PPP6R2: variants seen among roughly 807,000 people sequenced by gnomAD.
The protein encoded by PPP6R2 is serine/threonine-protein phosphatase 6 regulatory subunit 2.
Under a neutral mutation model 100.2 loss-of-function variants are expected in PPP6R2, and 62 were observed. The ratio of observed to expected loss-of-function variants is 0.62; its 90% CI spans 0.50 to 0.76. PPP6R2 has a LOEUF of 0.76. PPP6R2 is among the 30% of genes least tolerant of loss of function. The probability of loss-of-function intolerance (pLI) is 0.00; values close to 1 mark genes in which losing one functional copy is unlikely to be tolerated. For synonymous variants in PPP6R2, 525 were observed against 514.7 expected, an observed-to-expected ratio of 1.02 and a Z score of -0.27; for missense variants, 1,142 against 1,276.3, an observed-to-expected ratio of 0.89 and a Z score of 1.60.
At chr22:50,391,011 A>AT (rs1361792207) in intron 2 of PPP6R2, among the ~76,000 whole-genome samples, 1 of 151,364 alleles carries the variant, frequency 6.6e-6, no homozygotes. Flanking sequence ...AAAAAAAAAA[A>AT]AGAAAAGAAA....
chr22:50,431,339 C>G lies in PPP6R2; in HGVS notation c.1292C>G (p.Pro431Arg). ...HENGNRSLET[P>R]QPAASLPDNT... ...AACGGGAACCGGAGCCTGGAGACTCCCCAGCCGGCCGCCAGCCTCCCTGAC... is the reference window on the plus strand; with the variant it reads ...AACGGGAACCGGAGCCTGGAGACTCGCCAGCCGGCCGCCAGCCTCCCTGAC... Residue 431 changes from proline (P) to arginine (R), a missense_variant, in exon 11 of 24, where the codon CCC (proline) becomes CGC (arginine). Pro to Arg is a moderately radical substitution (Grantham distance 103, BLOSUM62 -2). Around this residue, in one of 2 missense-constraint regions of PPP6R2, gnomAD observed 592 missense variants for 758.9 expected, o/e 0.78. Transcript: ENST00000612753. This position sits in a 1 kb window ranked among gnomAD's most constrained non-coding sequence, Gnocchi z 4.8. 1 of 1,612,980 alleles carries G rather than the reference C, an allele frequency of 6.2e-7. No homozygotes were observed. Among genetic ancestry groups the G allele is most frequent in the Non-Finnish European group, 8.5e-7 (1 of 1,179,992 alleles).
At position 50,406,788 on chromosome 22, in the gene PPP6R2, C is replaced by T. The variant is rs763801859; in HGVS notation, c.327C>T (p.Phe109=). 1 of 1,614,134 alleles carries T rather than the reference C, an allele frequency of 6.2e-7. No homozygotes were observed. The highest frequency in any genetic ancestry group is 1.1e-5 in the South Asian group (1 of 91,078). ...DESLLSLLYD[F]LDHEPPLNPL... ...GCCTGCTGAGCCTCCTGTACGACTT[C>T]TTGGACCATGAGCCGCCTCTCAATC... Residue 109 remains phenylalanine (F), a synonymous_variant, in exon 4 of 24, where the codon TTC becomes TTT. Coordinates refer to ENST00000612753, the MANE Select transcript of PPP6R2 (RefSeq NM_001242898.2).
intron 2 of PPP6R2, among the ~76,000 whole-genome samples, chr22:50,374,828 T>G (rs1311412020): frequency 6.7e-6 from 1 of 149,038 alleles, no homozygotes; most frequent in Non-Finnish European, 1.5e-5. Flanking sequence ...GCAGGAGAAT[T>G]GCTTGAACGT....
At chr22:50,341,754 G>A (rs565059644), upstream of PPP6R2, among the ~76,000 whole-genome samples, 1 of 152,238 alleles carries the variant, frequency 6.6e-6, no homozygotes, top group Non-Finnish European at 1.5e-5. Flanking sequence ...CAGCACTCTG[G>A]GAGGCCGAGG....
the PPP6R2 span, among the ~76,000 whole-genome samples, chr22:50,337,647 TGTGTGTGTG>T: frequency 1.6e-4 from 18 of 110,252 alleles, no homozygotes; most frequent in East Asian, 2.4e-4. Flanking sequence ...GTGGGTATAG[TGTGTGTGTG>T]GTGTGTGTGG....
At chr22:50,331,192 G>A in the PPP6R2 span, among the ~76,000 whole-genome samples, 6 of 151,904 alleles carry the variant, frequency 3.9e-5, no homozygotes, top group Admixed American at 6.6e-5. Context: ...TGATGTTTTC[G>A]TGTCCATTTA....
At chr22:50,410,978 G>A (rs1023937623) in intron 4 of PPP6R2, among the ~76,000 whole-genome samples, 1 of 152,110 alleles carries the variant, frequency 6.6e-6, no homozygotes, top group African/African-American at 2.4e-5. Context: ...TTTTAGTAGA[G>A]ATGGGGTTTC....
chr22:50,422,975 G>C (rs144885278), intron 9 of PPP6R2, among the ~76,000 whole-genome samples: 60 of 152,318 alleles, frequency 3.9e-4, no homozygotes, highest in African/African-American at 1.3e-3. Context: ...GGTGCAGTAG[G>C]CTGAGTGTGG....
intron 2 of PPP6R2, among the ~76,000 whole-genome samples, chr22:50,385,162 C>G (rs1178499266): frequency 6.6e-6 from 1 of 152,074 alleles, no homozygotes; most frequent in Non-Finnish European, 1.5e-5. Context: ...CTTAAAGGCC[C>G]TACCTTTCAA....
chr22:50,409,399 TATG>T (rs1308349741), intron 4 of PPP6R2, among the ~76,000 whole-genome samples: 1 of 152,214 alleles, frequency 6.6e-6, no homozygotes, highest in Non-Finnish European at 1.5e-5. Flanking sequence ...AGATTATTTT[TATG>T]ATTCTTTGCC....
intron 8 of PPP6R2, 61 bp downstream of exon 8, chr22:50,419,523 C>A: frequency 8.7e-7 from 1 of 1,150,572 alleles, no homozygotes; most frequent in Non-Finnish European, 1.3e-6. Context: ...ATATGGCAGC[C>A]CACACGAGCA....
chr22:50,338,111 GTGTGTGTGCA>G, the PPP6R2 span, among the ~76,000 whole-genome samples: 3 of 139,290 alleles, frequency 2.2e-5, no homozygotes, highest in Non-Finnish European at 3.1e-5. Context: ...GTGGTATGTG[GTGTGTGTGCA>G]TGTGCGTGCA....
At chr22:50,364,736 A>C (rs963727843) in intron 1 of PPP6R2, among the ~76,000 whole-genome samples, 2 of 152,120 alleles carry the variant, frequency 1.3e-5, no homozygotes, top group African/African-American at 4.8e-5. Flanking sequence ...GTGTGTGCAA[A>C]GGTGTTAGCT....
chr22:50,365,735 A>T (rs28819370), intron 1 of PPP6R2, among the ~76,000 whole-genome samples: 34,640 of 109,224 alleles, frequency 0.32, 4,188 homozygotes, highest in South Asian at 0.5. Flanking sequence ...ATTTATTATT[A>T]TTTTTTTAGA....
At chr22:50,370,440 A>G (rs2049831881) in intron 1 of PPP6R2, among the ~76,000 whole-genome samples, 1 of 151,288 alleles carries the variant, frequency 6.6e-6, no homozygotes, top group Non-Finnish European at 1.5e-5. Flanking sequence ...GGCGCCTGCC[A>G]CCACGCCCAG....
At chr22:50,419,184 T>A (rs11091015) in intron 7 of PPP6R2, among the ~76,000 whole-genome samples, 165 bp from the exon 8 acceptor site, 1 of 151,906 alleles carries the variant, frequency 6.6e-6, no homozygotes, top group Admixed American at 6.6e-5. Flanking sequence ...GTCTAGAGAG[T>A]GGGCCAGCAG....
intron 1 of PPP6R2, among the ~76,000 whole-genome samples, chr22:50,355,059 T>C (rs1257163823): frequency 6.6e-6 from 1 of 151,548 alleles, no homozygotes; most frequent in East Asian, 2.0e-4. Flanking sequence ...CCCAGGCTGA[T>C]CCTGAACTCC....
chr22:50,381,452 C>CGA (rs1182692329), intron 2 of PPP6R2, among the ~76,000 whole-genome samples: 1 of 149,388 alleles, frequency 6.7e-6, no homozygotes, highest in Non-Finnish European at 1.5e-5. Context: ...CCCACCTCAG[C>CGA]ACCACACGGG....
chr22:50,432,279 C>T lies in PPP6R2; in HGVS notation c.1350C>T (p.Cys450=). The change falls in exon 12 of 24, where the codon TGC becomes TGT. Residue 450 remains cysteine, a synonymous_variant. Coordinates refer to ENST00000612753, the MANE Select transcript of PPP6R2 (RefSeq NM_001242898.2). The part of the protein sequence containing the change: ...NTMVTHLFQK[C]CLVQRILEAW... ...CCGCCCCCCAGCTGTTCCAGAAGTG[C>T]TGCCTGGTGCAGAGGATCCTGGAGG... 1.3e-6 allele frequency: 2 copies of T among 1,550,028 alleles called. No individual in the cohort carries two copies. Among genetic ancestry groups the T allele is most frequent in the Non-Finnish European group, 1.7e-6 (2 of 1,147,164 alleles).
Sources: gnomAD v4.1 joint callset for allele counts (sites outside exome capture counted in the v4.1 genomes callset) on GRCh38, gnomAD v4.1.1 for gene constraint, gnomAD v4.1.1 regional missense constraint, Gnocchi (gnomAD v3.1) non-coding constraint, MANE v1.5 for transcripts, NCBI Gene and HGNC (gene_info 2026-07-23, HGNC 2026-07-21) for gene names.